The following LIMCH1 variants were observed in gnomAD, a reference collection of about 807,000 sequenced individuals.
The protein encoded by LIMCH1 is LIM and calponin homology domains-containing protein 1.
In LIMCH1, 113 loss-of-function variants were observed where a neutral mutation model predicts 176.5. That is an observed-to-expected ratio of 0.64 (90% confidence interval 0.55 to 0.75). The LOEUF is 0.75. LIMCH1 is among the 30% of genes least tolerant of loss of function. The pLI is 0.00. For missense variants in LIMCH1, 1,674 were observed against 1,814.9 expected, an observed-to-expected ratio of 0.92 and a Z score of 1.41; for synonymous variants, 619 against 645.9, an observed-to-expected ratio of 0.96 and a Z score of 0.63.
intron 1 of LIMCH1, among the ~76,000 whole-genome samples, chr4:41,481,223 T>G (rs1476840144): frequency 1.3e-5 from 2 of 152,214 alleles, no homozygotes; most frequent in East Asian, 1.9e-4. Context: ...CTGTGCTGTT[T>G]CTTTGCCAAC....
chr4:41,622,655 T>G (rs968532042), intron 7 of LIMCH1, among the ~76,000 whole-genome samples: 1 of 152,162 alleles, frequency 6.6e-6, no homozygotes, highest in African/African-American at 2.4e-5. Context: ...TATTAAAAAC[T>G]TTGAACTCTT....
chr4:41,526,044 T>A (rs963312044), intron 3 of LIMCH1, among the ~76,000 whole-genome samples: 1 of 152,174 alleles, frequency 6.6e-6, no homozygotes, highest in Non-Finnish European at 1.5e-5. Flanking sequence ...TTTAGTAAAA[T>A]TAACTGTTAG....
chr4:41,399,240 T>G (rs1173893637), intron 1 of LIMCH1, among the ~76,000 whole-genome samples: 1 of 152,132 alleles, frequency 6.6e-6, no homozygotes, highest in Non-Finnish European at 1.5e-5. Flanking sequence ...AATTCAGACT[T>G]CATTATTTAT....
At chr4:41,645,205 T>C (rs2094007446) in intron 15 of LIMCH1, among the ~76,000 whole-genome samples, 2 of 152,206 alleles carry the variant, frequency 1.3e-5, no homozygotes, top group Non-Finnish European at 2.9e-5. Flanking sequence ...TGAGATTGTG[T>C]GCTGAGAGCC....
chr4:41,430,376 G>T (rs1487428286), intron 1 of LIMCH1, among the ~76,000 whole-genome samples: 1 of 152,182 alleles, frequency 6.6e-6, no homozygotes, highest in Non-Finnish European at 1.5e-5. Flanking sequence ...CGATTCTCTT[G>T]CCTCAGCCTT....
rs1026853917 is a variant in LIMCH1 at position 41,661,450 on chromosome 4, C to G, written c.3067C>G (p.Gln1023Glu). The change falls in exon 19 of 32, where the codon CAA becomes GAA. Residue 1023 changes from glutamine (Q) to glutamate (E), a missense_variant. By Grantham distance (29) the Gln-to-Glu change is conservative. Coordinates refer to ENST00000503057, the MANE Select transcript of LIMCH1 (RefSeq NM_001330672.2). ...CACTGAGAAAACGGAACCGAATAGT[C>G]AAGAGGACAAGAATGATGGTGGAAA... The part of the protein sequence containing the change: ...ATTEKTEPNS[Q>E]EDKNDGGKSR... 3.1e-5 allele frequency: 50 copies of G among 1,612,670 alleles called. No homozygotes were observed. Among genetic ancestry groups the G allele is most frequent in the Non-Finnish European group, 4.2e-5 (49 of 1,179,448 alleles).
intron 1 of LIMCH1, among the ~76,000 whole-genome samples, chr4:41,387,702 A>T (rs1027677174): frequency 2.9e-4 from 44 of 152,234 alleles, no homozygotes; most frequent in African/African-American, 1.0e-3. Context: ...AGTGAAAGAG[A>T]TATACTCATG....
intron 1 of LIMCH1, among the ~76,000 whole-genome samples, chr4:41,552,297 A>G (rs2080563646): frequency 6.6e-6 from 1 of 152,160 alleles, no homozygotes; most frequent in Non-Finnish European, 1.5e-5. Context: ...CTGTGTGAAG[A>G]GTCTGTAAAA....
At chr4:41,625,905 T>C (rs1191047686) in intron 7 of LIMCH1, among the ~76,000 whole-genome samples, 1 of 152,124 alleles carries the variant, frequency 6.6e-6, no homozygotes, top group Non-Finnish European at 1.5e-5. Context: ...GGAAAGAATG[T>C]TGCTCTTGGA....
intron 1 of LIMCH1, among the ~76,000 whole-genome samples, chr4:41,383,639 A>G (rs1315407311): frequency 6.6e-6 from 1 of 152,194 alleles, no homozygotes; most frequent in Non-Finnish European, 1.5e-5. Flanking sequence ...GGCGCTTTTA[A>G]TAGTAGAGGG....
At chr4:41,488,409 TTC>T (rs2070113680) in intron 1 of LIMCH1, among the ~76,000 whole-genome samples, 1 of 152,240 alleles carries the variant, frequency 6.6e-6, no homozygotes, top group Non-Finnish European at 1.5e-5. Context: ...AATGGGATCT[TTC>T]TTAATTTCTT....
intron 1 of LIMCH1, among the ~76,000 whole-genome samples, chr4:41,566,270 A>G (rs113051467): frequency 2.4e-4 from 37 of 152,344 alleles, no homozygotes; most frequent in African/African-American, 7.7e-4. Context: ...TCTTAATGGC[A>G]TCTAGCATGA....
intron 1 of LIMCH1, among the ~76,000 whole-genome samples, chr4:41,447,385 T>G (rs2063391429): frequency 6.6e-6 from 1 of 152,246 alleles, no homozygotes; most frequent in Non-Finnish European, 1.5e-5. Flanking sequence ...TCACTGTTCT[T>G]GTCTATATCT....
intron 2 of LIMCH1, among the ~76,000 whole-genome samples, chr4:41,523,421 A>T (rs113429300): frequency 3.3e-5 from 5 of 152,202 alleles, no homozygotes; most frequent in Admixed American, 1.3e-4. Context: ...TTTATTTATA[A>T]GTACAGGTGT....
chr4:41,684,297 A>G, intron 26 of LIMCH1, 100 bp from the exon 27 acceptor site: 2 of 975,058 alleles, frequency 2.1e-6, no homozygotes, highest in Non-Finnish European at 3.0e-6. Context: ...CTCTTTTTTT[A>G]TATTGTAATT....
At position 41,676,599 on chromosome 4, in the gene LIMCH1, T is replaced by C. The variant is rs79825010; in HGVS notation, c.3519+137T>C. On this transcript the variant is annotated intron_variant, in intron 23 of 31. Coordinates refer to ENST00000503057, the MANE Select transcript of LIMCH1 (RefSeq NM_001330672.2). The stretch of plus-strand genomic sequence containing the variant: ...AGTTAGTGAGTCTCAAGTCAGTTCA[T>C]TTTGTGTCCTTGTAACAGGGTACCC... 317 of 671,910 alleles carry C rather than the reference T, an allele frequency of 4.7e-4. No individual in the cohort carries two copies. The African/African-American group carries it at 4.9e-3, about 10-fold the overall frequency. 41.6% of individuals were successfully genotyped at this position (671,910 alleles called of 1,614,324 possible).
chr4:41,687,293 A>G (rs1014257235), intron 28 of LIMCH1, among the ~76,000 whole-genome samples: 3 of 152,198 alleles, frequency 2.0e-5, no homozygotes, highest in African/African-American at 7.2e-5. Context: ...TGCCCACGAC[A>G]TATCAGTTGT....
chr4:41,552,226 AC>A (rs2080550100), intron 1 of LIMCH1, among the ~76,000 whole-genome samples: 1 of 152,164 alleles, frequency 6.6e-6, no homozygotes, highest in African/African-American at 2.4e-5. Context: ...TGTGGGAGCT[AC>A]AATTGAAGAT....
intron 1 of LIMCH1, among the ~76,000 whole-genome samples, chr4:41,423,048 G>A (rs1377053946): frequency 1.3e-5 from 2 of 152,130 alleles, no homozygotes; most frequent in Non-Finnish European, 2.9e-5. Flanking sequence ...GTGAGCCACC[G>A]TACCCAGCCT....
Sources: gnomAD v4.1 joint callset for allele counts (sites outside exome capture counted in the v4.1 genomes callset) on GRCh38, gnomAD v4.1.1 for gene constraint, MANE v1.5 for transcripts, NCBI Gene and HGNC (gene_info 2026-07-23, HGNC 2026-07-21) for gene names.